The following DRC9 variants were observed in gnomAD, a reference collection of about 807,000 sequenced individuals.
DRC9 encodes the protein dynein regulatory complex protein 9.
the DRC9 span, chr3:197,939,171 CA>C: frequency 1.0e-5 from 2 of 195,444 alleles, no homozygotes; most frequent in Non-Finnish European, 2.1e-5. Context: ...AGACTAGTCT[CA>C]AGTTATTTTT....
the DRC9 span, chr3:197,956,298 C>T: frequency 6.2e-6 from 1 of 160,098 alleles, no homozygotes; most frequent in African/African-American, 2.4e-5. Context: ...GATTGGGAAA[C>T]TTAAAATTTG....
chr3:197,889,490 A>C, the DRC9 span: 3 of 1,423,714 alleles, frequency 2.1e-6, no homozygotes, highest in South Asian at 1.2e-5. Flanking sequence ...CCTGTAGATG[A>C]GTCATCTTTG....
At chr3:197,914,993 G>A in the DRC9 span, among the ~76,000 whole-genome samples, 3 of 151,622 alleles carry the variant, frequency 2.0e-5, no homozygotes, top group Admixed American at 1.3e-4. Flanking sequence ...GTGAAACCCC[G>A]TCTCTACTAA....
chr3:197,950,110 G>A, the DRC9 span: 1 of 1,231,258 alleles, frequency 8.1e-7, no homozygotes, highest in Non-Finnish European at 1.0e-6. Flanking sequence ...TTGTTTTTCT[G>A]GCGTTTGGAG....
At chr3:197,910,679 T>G in the DRC9 span, among the ~76,000 whole-genome samples, 1 of 152,132 alleles carries the variant, frequency 6.6e-6, no homozygotes, top group Non-Finnish European at 1.5e-5. Context: ...ATAGGGTTAT[T>G]TTGAAAGACT....
the DRC9 span, among the ~76,000 whole-genome samples, chr3:197,914,297 A>G: frequency 2.6e-5 from 4 of 152,212 alleles, no homozygotes; most frequent in African/African-American, 9.6e-5. Flanking sequence ...TGTACTCCGT[A>G]TGTCCCACAC....
At chr3:197,950,359 A>C in the DRC9 span, 2 of 1,216,998 alleles carry the variant, frequency 1.6e-6, no homozygotes, top group Non-Finnish European at 2.0e-6. Context: ...GAGGGAGAAC[A>C]GGATGGAGGA....
chr3:197,911,116 A>G, the DRC9 span, among the ~76,000 whole-genome samples: 1 of 152,218 alleles, frequency 6.6e-6, no homozygotes, highest in African/African-American at 2.4e-5. Context: ...TATATTTCAC[A>G]CAAGAAGAAA....
chr3:197,902,352 G>C, the DRC9 span, among the ~76,000 whole-genome samples: 1 of 152,084 alleles, frequency 6.6e-6, no homozygotes, highest in South Asian at 2.1e-4. Flanking sequence ...AGGAAAACAT[G>C]ACCTCACCAA....
At chr3:197,934,333 T>G in the DRC9 span, among the ~76,000 whole-genome samples, 1 of 151,906 alleles carries the variant, frequency 6.6e-6, no homozygotes, top group African/African-American at 2.4e-5. Flanking sequence ...TACAGGCACG[T>G]GCCACCACAC....
the DRC9 span, among the ~76,000 whole-genome samples, chr3:197,900,358 C>T: frequency 6.6e-6 from 1 of 152,210 alleles, no homozygotes; most frequent in Non-Finnish European, 1.5e-5. This position sits in a 1 kb window ranked among gnomAD's most constrained non-coding sequence, Gnocchi z 4.7. Flanking sequence ...AGAGATTTCC[C>T]CTTCTTCTGT....
At chr3:197,916,798 C>T in the DRC9 span, among the ~76,000 whole-genome samples, 21 of 151,848 alleles carry the variant, frequency 1.4e-4, no homozygotes, top group Non-Finnish European at 1.9e-4. Context: ...GCATAGGCAG[C>T]GGTGTCCAAT....
At chr3:197,929,664 A>G in the DRC9 span, among the ~76,000 whole-genome samples, 3 of 152,324 alleles carry the variant, frequency 2.0e-5, no homozygotes, top group African/African-American at 7.2e-5. The surrounding 1 kb of genome is among the most constrained non-coding windows in gnomAD (Gnocchi z 4.6). Flanking sequence ...CCAGCTACTC[A>G]GGAGGCTGAG....
the DRC9 span, among the ~76,000 whole-genome samples, chr3:197,905,284 A>G: frequency 3.3e-5 from 5 of 152,170 alleles, no homozygotes; most frequent in Non-Finnish European, 5.9e-5. Flanking sequence ...GGAGACCCCA[A>G]TTCCCCTGAT....
At chr3:197,900,191 A>G in the DRC9 span, among the ~76,000 whole-genome samples, 1 of 152,190 alleles carries the variant, frequency 6.6e-6, no homozygotes, top group African/African-American at 2.4e-5. This position sits in a 1 kb window ranked among gnomAD's most constrained non-coding sequence, Gnocchi z 4.7. Flanking sequence ...AAGGCGGTCT[A>G]GGCCAGGAGG....
At chr3:197,934,687 G>A in the DRC9 span, among the ~76,000 whole-genome samples, 4 of 151,958 alleles carry the variant, frequency 2.6e-5, no homozygotes, top group Non-Finnish European at 5.9e-5. Context: ...AGCTGTTTAG[G>A]CCGGGCACAA....
the DRC9 span, among the ~76,000 whole-genome samples, chr3:197,948,072 A>G: frequency 2.6e-5 from 4 of 151,332 alleles, no homozygotes; most frequent in Non-Finnish European, 5.9e-5. Flanking sequence ...AGCTGGGATG[A>G]CAGGCACACA....
At chr3:197,913,323 T>TGC in the DRC9 span, 15 of 199,468 alleles carry the variant, frequency 7.5e-5, no homozygotes, top group Non-Finnish European at 1.5e-4. Flanking sequence ...TGGCTTTGCG[T>TGC]GTGTGCGTGC....
chr3:197,905,497 A>G, the DRC9 span, among the ~76,000 whole-genome samples: 2 of 152,230 alleles, frequency 1.3e-5, no homozygotes, highest in Non-Finnish European at 2.9e-5. Context: ...CTGTAATCTC[A>G]GCACTTCGGG....
Sources: gnomAD v4.1 joint callset for allele counts (sites outside exome capture counted in the v4.1 genomes callset) on GRCh38, gnomAD v4.1.1 for gene constraint, Gnocchi (gnomAD v3.1) non-coding constraint, MANE v1.5 for transcripts, NCBI Gene and HGNC (gene_info 2026-07-23, HGNC 2026-07-21) for gene names.